Variants in GTPBP2 observed in about 807,000 individuals in gnomAD.
GTPBP2 encodes the protein GTP-binding protein 2.
A neutral mutation model predicts 63.0 loss-of-function variants in GTPBP2; 32 were observed. The ratio of observed to expected loss-of-function variants is 0.51; its 90% CI spans 0.38 to 0.68. The LOEUF is 0.68. Among genes scored for constraint, GTPBP2 ranks in the 30% least tolerant of loss-of-function variants. The probability of loss-of-function intolerance (pLI) is 0.00; values close to 1 mark genes in which losing one functional copy is unlikely to be tolerated. For synonymous variants in GTPBP2, 310 were observed against 322.6 expected, an observed-to-expected ratio of 0.96 and a Z score of 0.42; for missense variants, 492 against 796.9, an observed-to-expected ratio of 0.62 and a Z score of 4.61.
At chr6:43,627,874 T>G (rs1166610851) in intron 1 of GTPBP2, among the ~76,000 whole-genome samples, 1 of 151,816 alleles carries the variant, frequency 6.6e-6, no homozygotes, top group African/African-American at 2.4e-5. Flanking sequence ...GAGATTATTT[T>G]TTTTCCCCAT....
Position 43,625,573 on chromosome 6 carries a change from T to C in GTPBP2, c.508-13A>G. On this transcript the variant is annotated splice_polypyrimidine_tract_variant and intron_variant, in intron 4 of 11. Coordinates refer to ENST00000307126, the MANE Select transcript of GTPBP2 (RefSeq NM_019096.5). The surrounding 1 kb of genome is among the most constrained non-coding windows in gnomAD (Gnocchi z 5.1). Reference sequence around the variant, plus strand: ...GGAGGTCTAGGAACTGTGGATGAATTGCCAGAGATAAGAACTCCAATCTCT... The same window carrying C: ...GGAGGTCTAGGAACTGTGGATGAATCGCCAGAGATAAGAACTCCAATCTCT... 9 of 1,606,484 alleles carry C rather than the reference T, an allele frequency of 5.6e-6. No homozygotes were observed. Among genetic ancestry groups the C allele is most frequent in the Non-Finnish European group, 7.7e-6 (9 of 1,173,098 alleles).
In GTPBP2 at chr6:43,626,738, G is replaced by A. The variant is rs1406036128; in HGVS notation, c.213+184C>T. On this transcript the variant is annotated intron_variant, in intron 2 of 11. Coordinates refer to ENST00000307126, the MANE Select transcript of GTPBP2 (RefSeq NM_019096.5). The surrounding 1 kb of genome is among the most constrained non-coding windows in gnomAD (Gnocchi z 4.0). ...TAGCCAGGCATGGTGGCGCATGCCT[G>A]TAATCCCAGCTACTTGGGAGGCTGA... Among the ~76,000 whole-genome samples, 2 of 151,960 alleles carry A rather than the reference G, an allele frequency of 1.3e-5. No individual in the cohort carries two copies. Among genetic ancestry groups the A allele is most frequent in the African/African-American group, 4.8e-5 (2 of 41,374 alleles).
chr6:43,627,071 G>C, intron 1 of GTPBP2, 123 bp from the exon 2 acceptor site: 1 of 868,468 alleles, frequency 1.2e-6, no homozygotes, highest in Non-Finnish European at 1.8e-6. Context: ...CACTTGGTTA[G>C]GCAAGTGCCT....
At chr6:43,628,406 G>T (rs990717229) in intron 1 of GTPBP2, 1 of 204,936 alleles carries the variant, frequency 4.9e-6, no homozygotes, top group Admixed American at 6.5e-5. Context: ...AATTGGCCAG[G>T]CGTTGGGGGC....
upstream of GTPBP2, chr6:43,629,578 G>A (rs1184443675): frequency 1.5e-5 from 11 of 712,102 alleles, no homozygotes; most frequent in Non-Finnish European, 2.5e-5. Context: ...GTGGGGACGC[G>A]AGGACACCAG....
chr6:43,624,810 C>A lies in GTPBP2; in HGVS notation c.880+78G>T. 2 of 1,584,976 alleles carry A rather than the reference C, an allele frequency of 1.3e-6. No individual in the cohort carries two copies. Among genetic ancestry groups the A allele is most frequent in the South Asian group, 1.1e-5 (1 of 90,352 alleles). ...GAGAGGGAAGAAGAGGAGCATTGGT[C>A]TGTCTCCAAGATTTGAGGCCCAGGG... On this transcript the variant is annotated intron_variant, in intron 6 of 11. Coordinates refer to ENST00000307126, the MANE Select transcript of GTPBP2 (RefSeq NM_019096.5). The surrounding 1 kb of genome is among the most constrained non-coding windows in gnomAD (Gnocchi z 5.1).
At position 43,626,247 on chromosome 6, in the gene GTPBP2, G is replaced by A; in HGVS notation, c.377C>T (p.Thr126Ile). ...ATACTTCTCTGCCATCCGGTGCAGGGTCTTGAGCGAAGCTCGCATTTCCTC... is the reference window on the plus strand; with the variant it reads ...ATACTTCTCTGCCATCCGGTGCAGGATCTTGAGCGAAGCTCGCATTTCCTC... ...AEEEMRASLK[T>I]LHRMAEKVGA... is the part of the protein sequence containing the mutation. Residue 126 changes from threonine (T) to isoleucine (I), a missense_variant, in exon 3 of 12, where the codon ACC (threonine) becomes ATC (isoleucine). Around this residue, in one of 2 missense-constraint regions of GTPBP2, gnomAD observed 400 missense variants for 710.8 expected, o/e 0.56. Transcript: ENST00000307126. The surrounding 1 kb of genome is among the most constrained non-coding windows in gnomAD (Gnocchi z 4.0). The A allele has an allele frequency of 6.2e-7, 1 of 1,614,176 alleles. No individual in the cohort carries two copies. Among genetic ancestry groups the A allele is most frequent in the Non-Finnish European group, 8.5e-7 (1 of 1,180,020 alleles).
Position 43,624,882 on chromosome 6 carries a change from T to A in GTPBP2, c.880+6A>T. The A allele has an allele frequency of 6.2e-7, 1 of 1,613,802 alleles. No individual in the cohort carries two copies. On this transcript the variant is annotated splice_donor_region_variant and intron_variant, in intron 6 of 11. Transcript: ENST00000307126. The surrounding 1 kb of genome is among the most constrained non-coding windows in gnomAD (Gnocchi z 5.1). ...TCAGCCCTGTCCCTGCCCTAATGCC[T>A]CGTACCAATCCCAGTGTTGGCACTG...
chr6:43,622,096 C>T lies in GTPBP2; in HGVS notation c.1539G>A (p.Leu513=). 6.2e-7 allele frequency: 1 copy of T among 1,614,088 alleles called. No homozygotes were observed. Among genetic ancestry groups the T allele is most frequent in the Non-Finnish European group, 8.5e-7 (1 of 1,179,950 alleles). The part of the protein sequence containing the change: ...CSVFEAEIVL[L]FHATTFRRGF... ...CTCGTCGGAAGGTGGTGGCATGGAA[C>T]AGTAAGACTATCTCTGCCTCAAACA... is the stretch of plus-strand genomic sequence containing the variant. The change falls in exon 11 of 12, where the codon CTG becomes CTA. Residue 513 remains leucine, a synonymous_variant. Transcript: ENST00000307126. This position sits in a 1 kb window ranked among gnomAD's most constrained non-coding sequence, Gnocchi z 5.4.
At chr6:43,621,840 C>A in intron 11 of GTPBP2, 50 bp from the exon 12 acceptor site, 1 of 1,613,252 alleles carries the variant, frequency 6.2e-7, no homozygotes, top group Non-Finnish European at 8.5e-7. Flanking sequence ...CTGTCCCATT[C>A]TCTGCCAGCC....
chr6:43,626,174 T>G lies in GTPBP2; in HGVS notation c.398+52A>C. ...CAGGCCCTAGGTAACTGGGTATGCA[T>G]GGGTCCCCCCAAGTCAGGTAAAGGA... On this transcript the variant is annotated intron_variant, in intron 3 of 11. Transcript: ENST00000307126. This position sits in a 1 kb window ranked among gnomAD's most constrained non-coding sequence, Gnocchi z 4.0. The G allele has an allele frequency of 6.5e-7, 1 of 1,545,698 alleles. No individual in the cohort carries two copies. The highest frequency in any genetic ancestry group is 8.9e-7 in the Non-Finnish European group (1 of 1,124,078).
chr6:43,622,895 AG>A lies in GTPBP2; in HGVS notation c.1296-92del. 9.6e-7 allele frequency: 1 copy of A among 1,040,396 alleles called. No individual in the cohort carries two copies. Among genetic ancestry groups the A allele is most frequent in the Non-Finnish European group, 1.4e-6 (1 of 714,962 alleles). The allele number at this position is 1,040,396 out of a possible 1,614,324, so 64.4% of individuals were successfully genotyped here. ...TCACCCAGAGCATTCCTTCCCTTCT[AG>A]GGTTGAGTCCCTCAAGTGGGGAAGA... On this transcript the variant is annotated intron_variant, in intron 9 of 11. Transcript: ENST00000307126. This position sits in a 1 kb window ranked among gnomAD's most constrained non-coding sequence, Gnocchi z 5.4.
In GTPBP2 at chr6:43,621,575, T is replaced by C; in HGVS notation, c.*39A>G. ...GCATGGCCAGAAGTCACCTTATATATTGTAGGGACAGCAATAGAACTGTCC... is the reference window on the plus strand; with the variant it reads ...GCATGGCCAGAAGTCACCTTATATACTGTAGGGACAGCAATAGAACTGTCC... On this transcript the variant is annotated 3_prime_UTR_variant, in exon 12 of 12. Coordinates refer to ENST00000307126, the MANE Select transcript of GTPBP2 (RefSeq NM_019096.5). The C allele has an allele frequency of 6.2e-7, 1 of 1,613,970 alleles. No individual in the cohort carries two copies. The highest frequency in any genetic ancestry group is 8.5e-7 in the Non-Finnish European group (1 of 1,179,900).
In GTPBP2 at chr6:43,621,571, T is replaced by C; in HGVS notation, c.*43A>G. The C allele has an allele frequency of 1.9e-6, 3 of 1,613,746 alleles. No homozygotes were observed. Among genetic ancestry groups the C allele is most frequent in the African/African-American group, 1.3e-5 (1 of 75,024 alleles). On this transcript the variant is annotated 3_prime_UTR_variant, in exon 12 of 12. Coordinates refer to ENST00000307126, the MANE Select transcript of GTPBP2 (RefSeq NM_019096.5). ...GGCAGCATGGCCAGAAGTCACCTTATATATTGTAGGGACAGCAATAGAACT... is the reference window on the plus strand; with the variant it reads ...GGCAGCATGGCCAGAAGTCACCTTACATATTGTAGGGACAGCAATAGAACT...
At position 43,624,626 on chromosome 6, in the gene GTPBP2, C is replaced by T. The variant is rs1561924168; in HGVS notation, c.984G>A (p.Arg328=). The change falls in exon 7 of 12, where the codon AGG becomes AGA. Residue 328 remains arginine, a synonymous_variant. Transcript: ENST00000307126. The surrounding 1 kb of genome is among the most constrained non-coding windows in gnomAD (Gnocchi z 5.1). ...GGACCCGCTCCAGCTGGCGTACTGT[C>T]CTCTCCACTGTGGTCTTGGCACATA... ...IDLCAKTTVE[R]TVRQLERVLK... The T allele has an allele frequency of 1.2e-6, 2 of 1,614,168 alleles. No homozygotes were observed. The highest frequency in any genetic ancestry group is 1.7e-6 in the Non-Finnish European group (2 of 1,180,016).
Position 43,621,390 on chromosome 6 carries a change from C to T in GTPBP2, c.*224G>A. 2.0e-6 allele frequency: 3 copies of T among 1,517,526 alleles called. No individual in the cohort carries two copies. Among genetic ancestry groups the T allele is most frequent in the East Asian group, 2.6e-5 (1 of 38,390 alleles). 94.0% of individuals were successfully genotyped at this position (1,517,526 alleles called of 1,614,324 possible). A position where few individuals can be genotyped will look rare whatever the true frequency, so the allele number is the denominator to read the frequency against. ...ATGAGCCAACCAGGTGAGCACACAG[C>T]TTCGGAGCACTGCCCTGAATCCTGT... On this transcript the variant is annotated 3_prime_UTR_variant, in exon 12 of 12. Transcript: ENST00000307126.
At chr6:43,628,509 G>C in intron 1 of GTPBP2, 1 of 838,968 alleles carries the variant, frequency 1.2e-6, no homozygotes, top group Non-Finnish European at 1.4e-6. Flanking sequence ...TGTGTGTAGT[G>C]AACATACTGC....
chr6:43,624,140 T>A lies in GTPBP2; in HGVS notation c.1101-72A>T, dbSNP rs1178376673. ...GAGGCAGAGGCCAGAGCCCCATACA[T>A]GGAAAGGTGAGCTTTGTTCTGGCTG... On this transcript the variant is annotated intron_variant, in intron 7 of 11. Coordinates refer to ENST00000307126, the MANE Select transcript of GTPBP2 (RefSeq NM_019096.5). This position sits in a 1 kb window ranked among gnomAD's most constrained non-coding sequence, Gnocchi z 5.1. The A allele has an allele frequency of 1.1e-5, 15 of 1,397,520 alleles. No individual in the cohort carries two copies. The highest frequency in any genetic ancestry group is 1.4e-5 in the African/African-American group (1 of 69,872). The allele number at this position is 1,397,520 out of a possible 1,614,324, so 86.6% of individuals were successfully genotyped here. A position where few individuals can be genotyped will look rare whatever the true frequency, so the allele number is the denominator to read the frequency against.
intron 9 of GTPBP2, chr6:43,623,423 T>C (rs1768984420): frequency 2.6e-6 from 1 of 384,036 alleles, no homozygotes; most frequent in Non-Finnish European, 4.7e-6. Flanking sequence ...AGAAGAGTCT[T>C]AAGTGACGTC....
Sources: gnomAD v4.1 joint callset for allele counts (sites outside exome capture counted in the v4.1 genomes callset) on GRCh38, gnomAD v4.1.1 for gene constraint, gnomAD v4.1.1 regional missense constraint, Gnocchi (gnomAD v3.1) non-coding constraint, MANE v1.5 for transcripts, NCBI Gene and HGNC (gene_info 2026-07-23, HGNC 2026-07-21) for gene names.